The following KMT2E variants were observed in gnomAD, a reference collection of about 807,000 sequenced individuals.
KMT2E encodes the protein histone reader KMT2E.
In KMT2E, 30 loss-of-function variants were observed where a neutral mutation model predicts 184.6. The observed-to-expected ratio is 0.16, with a 90% CI of 0.12 to 0.22. The LOEUF (loss-of-function observed/expected upper bound fraction) is 0.22, where lower values mean the gene tolerates loss of function less well. Ranked by LOEUF, KMT2E falls within the 10% of genes least tolerant of loss-of-function variation. The probability of loss-of-function intolerance (pLI) is 1.00; values close to 1 mark genes in which losing one functional copy is unlikely to be tolerated. For synonymous variants in KMT2E, 815 were observed against 776.5 expected (o/e 1.05, Z -0.82); for missense variants, 2,023 against 2,237.4 (o/e 0.90, Z 1.93).
At chr7:105,089,941 A>G (rs1798132639) in intron 13 of KMT2E, 68 bp from the exon 14 acceptor site, 1 of 1,567,164 alleles carries the variant, frequency 6.4e-7, no homozygotes. Flanking sequence ...TGCAGCTTAA[A>G]ATGGATTAGA....
intron 3 of KMT2E, among the ~76,000 whole-genome samples, chr7:105,057,292 A>G (rs913676510): frequency 2.0e-5 from 3 of 152,218 alleles, no homozygotes; most frequent in Non-Finnish European, 4.4e-5. Flanking sequence ...AAATGCTTGG[A>G]GAACTTTTTT....
chr7:105,070,931 T>C (rs1473280341), intron 6 of KMT2E, among the ~76,000 whole-genome samples: 2 of 152,198 alleles, frequency 1.3e-5, no homozygotes, highest in Non-Finnish European at 2.9e-5. Context: ...TGAAGTCAAA[T>C]ATATAAAGGA....
chr7:105,110,947 G>T (rs1799220981), intron 26 of KMT2E, 79 bp downstream of exon 26: 2 of 956,184 alleles, frequency 2.1e-6, no homozygotes, highest in East Asian at 2.4e-5. Flanking sequence ...AATATGCAGT[G>T]TTTTTCTGCT....
At chr7:105,031,768 TAAATAAATAAATA>T in intron 1 of KMT2E, among the ~76,000 whole-genome samples, 1 of 138,442 alleles carries the variant, frequency 7.2e-6, no homozygotes, top group African/African-American at 2.7e-5. Flanking sequence ...ATAAATAAAT[TAAATAAATAAATA>T]AATAAAGGCC....
chr7:105,020,378 C>T (rs1303526471), intron 1 of KMT2E, among the ~76,000 whole-genome samples: 1 of 151,734 alleles, frequency 6.6e-6, no homozygotes, highest in Non-Finnish European at 1.5e-5. Flanking sequence ...ATCACCTGAG[C>T]TCAGGAGTTC....
chr7:105,036,462 C>G (rs1450323600), intron 1 of KMT2E, among the ~76,000 whole-genome samples: 1 of 152,118 alleles, frequency 6.6e-6, no homozygotes, highest in Non-Finnish European at 1.5e-5. Context: ...AGCCACAGCT[C>G]TCAGCCATCT....
Position 105,107,784 on chromosome 7 carries a change from G to A in KMT2E, c.3327G>A (p.Gln1109=). 2 of 1,614,162 alleles carry A rather than the reference G, an allele frequency of 1.2e-6. No homozygotes were observed. Among genetic ancestry groups the A allele is most frequent in the Non-Finnish European group, 1.7e-6 (2 of 1,180,034 alleles). The part of the protein sequence containing the change: ...FRISESKCLM[Q]DDTRGMFMET... ...TAAGTGAGTCAAAGTGCCTGATGCA[G>A]GATGATACTAGAGGCATGTTTATGG... is the stretch of plus-strand genomic sequence containing the variant. The change falls in exon 22 of 27, where the codon CAG becomes CAA. Residue 1109 remains glutamine (Q), a synonymous_variant. Coordinates refer to ENST00000311117, the MANE Select transcript of KMT2E (RefSeq NM_182931.3).
At chr7:105,110,946 T>C in intron 26 of KMT2E, 78 bp downstream of exon 26, 1 of 969,300 alleles carries the variant, frequency 1.0e-6, no homozygotes, top group Non-Finnish European at 1.7e-6. Flanking sequence ...TAATATGCAG[T>C]GTTTTTCTGC....
chr7:105,028,924 C>A (rs1446878503), intron 1 of KMT2E, among the ~76,000 whole-genome samples: 1 of 152,100 alleles, frequency 6.6e-6, no homozygotes, highest in Non-Finnish European at 1.5e-5. Flanking sequence ...TAATTCTTGA[C>A]AAGGTATTGA....
chr7:105,080,398 T>A (rs74402287), intron 12 of KMT2E, among the ~76,000 whole-genome samples: 1 of 151,592 alleles, frequency 6.6e-6, no homozygotes, highest in Non-Finnish European at 1.5e-5. Context: ...TTTTTTTTTT[T>A]CCTCTCTTTT....
intron 5 of KMT2E, among the ~76,000 whole-genome samples, chr7:105,065,834 T>C (rs1199732580): frequency 3.9e-5 from 6 of 152,190 alleles, no homozygotes; most frequent in Non-Finnish European, 7.3e-5. Flanking sequence ...TTTATTCTTA[T>C]GTAAGGAATA....
In KMT2E at chr7:105,113,379, G is replaced by A. The variant is rs780344065; in HGVS notation, c.*46G>A. 2 of 1,552,338 alleles carry A rather than the reference G, an allele frequency of 1.3e-6. No individual in the cohort carries two copies. Among genetic ancestry groups the A allele is most frequent in the Non-Finnish European group, 1.7e-6 (2 of 1,144,138 alleles). On this transcript the variant is annotated 3_prime_UTR_variant, in exon 27 of 27. Transcript: ENST00000311117. ...TTTTAAATGTTCTGTAAGATAAACTGTATATTTCATATGTACCTGTTAAGG... is the reference window on the plus strand; with the variant it reads ...TTTTAAATGTTCTGTAAGATAAACTATATATTTCATATGTACCTGTTAAGG...
Position 105,050,577 on chromosome 7 carries a change from A to G in KMT2E, c.71+9554A>G, listed in dbSNP as rs1326046090. 8.6e-5 allele frequency among the ~76,000 whole-genome samples: 13 copies of G among 151,252 alleles called. No homozygotes were observed. The East Asian group carries it at 2.3e-3, about 27-fold the overall frequency. ...TCTTGATGTTCTTCTGCCCCCAACT[A>G]TCTACTTTTGGTTATTGTTTTTTAG... On this transcript the variant is annotated intron_variant, in intron 3 of 26. Transcript: ENST00000311117.
intron 11 of KMT2E, among the ~76,000 whole-genome samples, chr7:105,078,440 T>C (rs1371629688): frequency 6.6e-6 from 1 of 152,304 alleles, no homozygotes; most frequent in Non-Finnish European, 1.5e-5. Context: ...TTAGACTCTG[T>C]GTTCTTAAGT....
chr7:105,052,475 A>G (rs899571858), intron 3 of KMT2E, among the ~76,000 whole-genome samples: 3 of 152,230 alleles, frequency 2.0e-5, no homozygotes, highest in Admixed American at 6.5e-5. Flanking sequence ...CATTGTATCT[A>G]CAATGGCTAG....
chr7:105,099,570 A>G (rs1798569200), intron 15 of KMT2E, among the ~76,000 whole-genome samples: 1 of 152,178 alleles, frequency 6.6e-6, no homozygotes, highest in African/African-American at 2.4e-5. Flanking sequence ...TATTTCTTGT[A>G]TCCCAAACAA....
At chr7:105,021,400 T>C (rs1794945756) in intron 1 of KMT2E, among the ~76,000 whole-genome samples, 1 of 152,254 alleles carries the variant, frequency 6.6e-6, no homozygotes, top group Admixed American at 6.5e-5. Flanking sequence ...GAGATGAGAC[T>C]GTCCCTGCTT....
chr7:105,068,634 T>G lies in KMT2E; in HGVS notation c.497+1827T>G, dbSNP rs529678413. Among the ~76,000 whole-genome samples, 265 of 136,056 alleles carry G rather than the reference T, an allele frequency of 1.9e-3. 2 individuals carry two copies. The highest frequency in any genetic ancestry group is 4.8e-3 in the African/African-American group (156 of 32,634). The allele number at this position is 136,056 out of a possible 152,430, so 89.3% of individuals were successfully genotyped here. A position where few individuals can be genotyped will look rare whatever the true frequency, so the allele number is the denominator to read the frequency against. ...GCCTGACTAGTTGTGGTTTTTTTTT[T>G]TTTTGTTTTTTTTTTTTTTTTGTAG... On this transcript the variant is annotated intron_variant, in intron 6 of 26. Coordinates refer to ENST00000311117, the MANE Select transcript of KMT2E (RefSeq NM_182931.3).
At chr7:105,106,835 GCT>G in intron 20 of KMT2E, 63 bp downstream of exon 20, 1 of 1,517,780 alleles carries the variant, frequency 6.6e-7, no homozygotes. Flanking sequence ...TCTTTTAAGA[GCT>G]CTTTCCCCTC....
Sources: gnomAD v4.1 joint callset for allele counts (sites outside exome capture counted in the v4.1 genomes callset) on GRCh38, gnomAD v4.1.1 for gene constraint, MANE v1.5 for transcripts, NCBI Gene and HGNC (gene_info 2026-07-23, HGNC 2026-07-21) for gene names.